The following CLASP2 variants were observed in gnomAD, a reference collection of about 807,000 sequenced individuals.
CLASP2 encodes the protein cytoplasmic linker associated protein 2, also known as CLIP-associating protein 2.
In CLASP2, 47 loss-of-function variants were observed where a neutral mutation model predicts 194.4. That is an observed-to-expected ratio of 0.24 (90% confidence interval 0.19 to 0.31). CLASP2 has a LOEUF of 0.31. Among genes scored for constraint, CLASP2 ranks in the 10% least tolerant of loss-of-function variants. The probability of loss-of-function intolerance (pLI) is 1.00; values close to 1 mark genes in which losing one functional copy is unlikely to be tolerated. For missense variants in CLASP2, 1,445 were observed against 1,823.6 expected (o/e 0.79, Z 3.78); for synonymous variants, 619 against 633.5 (o/e 0.98, Z 0.34).
At chr3:33,701,592 T>C (rs2092381229) in intron 1 of CLASP2, among the ~76,000 whole-genome samples, 1 of 152,194 alleles carries the variant, frequency 6.6e-6, no homozygotes, top group Admixed American at 6.5e-5. Context: ...TAATACCCTG[T>C]CTCAAAAGAA....
chr3:33,681,280 C>A (rs1559623871), intron 6 of CLASP2, among the ~76,000 whole-genome samples: 1 of 152,024 alleles, frequency 6.6e-6, no homozygotes, highest in African/African-American at 2.4e-5. Context: ...GAATTGTTAG[C>A]CCTGGAAGTA....
intron 26 of CLASP2, among the ~76,000 whole-genome samples, chr3:33,568,236 CTATT>C (rs929266455): frequency 1.3e-5 from 2 of 151,946 alleles, no homozygotes; most frequent in African/African-American, 4.8e-5. Flanking sequence ...AATCAAAAGG[CTATT>C]TAGTGATACA....
At chr3:33,696,009 G>T (rs577829260) in intron 2 of CLASP2, among the ~76,000 whole-genome samples, 6 of 152,264 alleles carry the variant, frequency 3.9e-5, no homozygotes, top group Admixed American at 3.9e-4. Flanking sequence ...CACACTGTAA[G>T]TAAGTGCTAT....
intron 1 of CLASP2, among the ~76,000 whole-genome samples, chr3:33,700,576 T>C (rs1212376638): frequency 6.6e-6 from 1 of 152,084 alleles, no homozygotes; most frequent in Non-Finnish European, 1.5e-5. Flanking sequence ...CCAGGTGCGG[T>C]GGCTCATGCC....
At chr3:33,611,909 A>C in intron 13 of CLASP2, 92 bp downstream of exon 13, 1 of 890,966 alleles carries the variant, frequency 1.1e-6, no homozygotes, top group Non-Finnish European at 1.7e-6. Flanking sequence ...GAAGGCAAGA[A>C]ATGAATGACC....
In CLASP2 at chr3:33,717,813, A is replaced by G; in HGVS notation, c.190T>C (p.Tyr64His). Residue 64 changes from tyrosine to histidine, a missense_variant, in exon 1 of 39, where the codon TAC becomes CAC. Physicochemically the swap from Tyr to His is moderately conservative, Grantham distance 83. Transcript: ENST00000682230. ...ALTGWVGSSNYRVSLMGLEIL... is the reference protein window; with the variant it reads ...ALTGWVGSSNHRVSLMGLEIL... ...GCCTCGCCGCCGTCGCTTACCCGGTAGTTGCTCGAACCCACCCAGCCGGTG... is the reference window on the plus strand; with the variant it reads ...GCCTCGCCGCCGTCGCTTACCCGGTGGTTGCTCGAACCCACCCAGCCGGTG... 1 of 1,557,118 alleles carries G rather than the reference A, an allele frequency of 6.4e-7. No individual in the cohort carries two copies. The highest frequency in any genetic ancestry group is 8.7e-7 in the Non-Finnish European group (1 of 1,151,170).
At chr3:33,533,282 G>C (rs2056698681) in intron 34 of CLASP2, among the ~76,000 whole-genome samples, 1 of 152,168 alleles carries the variant, frequency 6.6e-6, no homozygotes, top group Non-Finnish European at 1.5e-5. Flanking sequence ...ATTTGTGACA[G>C]ATTAAAACAC....
intron 32 of CLASP2, among the ~76,000 whole-genome samples, chr3:33,542,615 G>A (rs2058542074): frequency 6.7e-6 from 1 of 149,528 alleles, no homozygotes; most frequent in South Asian, 2.1e-4. Context: ...TATGATATAT[G>A]ACATGTTATA....
At chr3:33,582,010 T>G (rs1365431751) in intron 22 of CLASP2, 82 bp from the exon 23 acceptor site, 2 of 891,978 alleles carry the variant, frequency 2.2e-6, no homozygotes, top group Non-Finnish European at 3.6e-6. Context: ...GTTTTTTTCT[T>G]TCTTAAAGAC....
At chr3:33,695,957 AC>A (rs2091851115) in intron 2 of CLASP2, among the ~76,000 whole-genome samples, 1 of 152,220 alleles carries the variant, frequency 6.6e-6, no homozygotes, top group Admixed American at 6.5e-5. Flanking sequence ...TAATAACCAT[AC>A]AAAGAAGAGC....
At chr3:33,525,785 G>A (rs1375245049) in intron 34 of CLASP2, among the ~76,000 whole-genome samples, 2 of 152,216 alleles carry the variant, frequency 1.3e-5, no homozygotes, top group African/African-American at 4.8e-5. Flanking sequence ...CATAGCCTTA[G>A]GAAAGAGGCT....
chr3:33,623,910 A>G (rs2077535261), intron 10 of CLASP2, among the ~76,000 whole-genome samples: 1 of 152,186 alleles, frequency 6.6e-6, no homozygotes, highest in African/African-American at 2.4e-5. Flanking sequence ...CCCACAGCCA[A>G]TATCCTACTG....
chr3:33,568,553 CAA>C (rs568821764), intron 26 of CLASP2, among the ~76,000 whole-genome samples: 25 of 56,830 alleles, frequency 4.4e-4, no homozygotes, highest in South Asian at 7.0e-4. Context: ...GATCTTGTCT[CAA>C]AAAAAAAAAA....
intron 4 of CLASP2, among the ~76,000 whole-genome samples, chr3:33,687,841 C>A (rs2090882854): frequency 6.6e-6 from 1 of 152,210 alleles, no homozygotes; most frequent in African/African-American, 2.4e-5. Context: ...ACCAGCCTCA[C>A]TGTCCAGTTA....
chr3:33,654,032 C>CAAAAA (rs11456253), intron 7 of CLASP2, among the ~76,000 whole-genome samples: 201 of 118,672 alleles, frequency 1.7e-3, no homozygotes, highest in Middle Eastern at 8.5e-3. Flanking sequence ...TCTGAACTGT[C>CAAAAA]AAAAAAAAAA....
chr3:33,675,217 C>T (rs1263596709), intron 6 of CLASP2, among the ~76,000 whole-genome samples: 2 of 151,626 alleles, frequency 1.3e-5, no homozygotes, highest in Non-Finnish European at 1.5e-5. Context: ...AATCCAGCAG[C>T]ACATCAAAAA....
chr3:33,593,290 T>C (rs1264593639), intron 20 of CLASP2, among the ~76,000 whole-genome samples: 1 of 152,158 alleles, frequency 6.6e-6, no homozygotes, highest in Non-Finnish European at 1.5e-5. Flanking sequence ...GAATATATTA[T>C]TGGTGGGTAC....
chr3:33,555,497 A>G lies in CLASP2; in HGVS notation c.3009+3810T>C, dbSNP rs1468908356. 2.0e-5 allele frequency among the ~76,000 whole-genome samples: 3 copies of G among 151,812 alleles called. No homozygotes were observed. The East Asian group carries it at 5.8e-4, about 29-fold the overall frequency. On this transcript the variant is annotated intron_variant, in intron 29 of 38. Transcript: ENST00000682230. ...CCTCCCACCTCAGCTTCCCGAGTAG[A>G]TAAGATTACAGGTGTGCACCACCAC...
At chr3:33,579,962 T>C (rs1378047063) in intron 23 of CLASP2, among the ~76,000 whole-genome samples, 3 of 152,228 alleles carry the variant, frequency 2.0e-5, no homozygotes, top group Non-Finnish European at 4.4e-5. Flanking sequence ...ACCACGTATA[T>C]GTGCATGCGC....
Sources: allele counts gnomAD v4.1 joint callset (sites outside exome capture counted in the v4.1 genomes callset), GRCh38; gene constraint gnomAD v4.1.1; transcripts MANE v1.5; gene names NCBI Gene and HGNC (gene_info 2026-07-23, HGNC 2026-07-21).